Variants in MTARC1 observed in about 807,000 individuals in gnomAD.
MTARC1 encodes mitochondrial amidoxime reducing component 1, also known as mitochondrial amidoxime-reducing component 1.
In MTARC1, 24 loss-of-function variants were observed where a neutral mutation model predicts 33.6. The observed-to-expected ratio is 0.72, with a 90% confidence interval of 0.52 to 1.01. The LOEUF is 1.01. Among genes scored for constraint, MTARC1 ranks in the 50% least tolerant of loss-of-function variants. MTARC1 has a pLI of 0.00. For missense variants in MTARC1, 417 were observed against 445.7 expected (o/e 0.94, Z 0.58); for synonymous variants, 187 against 189.5 (o/e 0.99, Z 0.11).
In MTARC1 at chr1:220,819,523, A is replaced by G. The variant is rs565281557; in HGVS notation, c.*6105A>G. ...AGATATAAATGTCTTGGGGATGTCA[A>G]GTAAGATTGTTCACATAGTTTCTGG... On this transcript the variant is annotated 3_prime_UTR_variant, in exon 7 of 7. Coordinates refer to ENST00000366910, the MANE Select transcript of MTARC1 (RefSeq NM_022746.4). The G allele has an allele frequency of 1.3e-5, 2 of 152,320 alleles. No individual in the cohort carries two copies. Among genetic ancestry groups the G allele is most frequent in the African/African-American group, 4.8e-5 (2 of 41,572 alleles). The allele number at this position is 152,320 out of a possible 1,614,324, so 9.4% of individuals were successfully genotyped here. A position where few individuals can be genotyped will look rare whatever the true frequency, so the allele number is the denominator to read the frequency against.
Position 220,819,342 on chromosome 1 carries a change from G to A in MTARC1, c.*5924G>A, listed in dbSNP as rs189554521. 23 of 152,278 alleles carry A rather than the reference G, an allele frequency of 1.5e-4. No individual in the cohort carries two copies. The highest frequency in any genetic ancestry group is 4.1e-4 in the South Asian group (2 of 4,824). The allele number at this position is 152,278 out of a possible 1,614,324, so 9.4% of individuals were successfully genotyped here. Reference sequence around the variant, plus strand: ...TAAATGTATTGGTCAAACAGATCTCGTTAATGTGGCCAAGATAAATGCAAG... The same window carrying A: ...TAAATGTATTGGTCAAACAGATCTCATTAATGTGGCCAAGATAAATGCAAG... On this transcript the variant is annotated 3_prime_UTR_variant, in exon 7 of 7. Transcript: ENST00000366910.
In MTARC1 at chr1:220,815,768, G is replaced by C. The variant is rs1571687271; in HGVS notation, c.*2350G>C. ...GAATGTAGGCCATCCCAGACTTTCAGATCTTACAACAGCAAATGACAGATG... is the reference window on the plus strand; with the variant it reads ...GAATGTAGGCCATCCCAGACTTTCACATCTTACAACAGCAAATGACAGATG... On this transcript the variant is annotated 3_prime_UTR_variant, in exon 7 of 7. Coordinates refer to ENST00000366910, the MANE Select transcript of MTARC1 (RefSeq NM_022746.4). 1.3e-5 allele frequency: 2 copies of C among 152,156 alleles called. No individual in the cohort carries two copies. Among genetic ancestry groups the C allele is most frequent in the South Asian group, 4.1e-4 (2 of 4,832 alleles). 9.4% of individuals were successfully genotyped at this position (152,156 alleles called of 1,614,324 possible).
intron 4 of MTARC1, among the ~76,000 whole-genome samples, chr1:220,802,897 A>G (rs546316983): frequency 6.6e-6 from 1 of 152,320 alleles, no homozygotes; most frequent in East Asian, 1.9e-4. Context: ...CTCCCGCTCT[A>G]AAAGTTTGTA....
Position 220,814,586 on chromosome 1 carries a change from C to T in MTARC1, c.*1168C>T, listed in dbSNP as rs938783347. ...CTACAAAATGTTTTTAAAATGCACT[C>T]GGTGTGGTGGTGTGTGCCTGCAGTC... On this transcript the variant is annotated 3_prime_UTR_variant, in exon 7 of 7. Coordinates refer to ENST00000366910, the MANE Select transcript of MTARC1 (RefSeq NM_022746.4). 2.0e-5 allele frequency: 3 copies of T among 151,972 alleles called. No homozygotes were observed. Among genetic ancestry groups the T allele is most frequent in the Middle Eastern group, 3.2e-3 (1 of 316 alleles). 9.4% of individuals were successfully genotyped at this position (151,972 alleles called of 1,614,324 possible). A position where few individuals can be genotyped will look rare whatever the true frequency, so the allele number is the denominator to read the frequency against.
chr1:220,793,398 A>G (rs1672493977), intron 2 of MTARC1: 2 of 152,242 alleles, frequency 1.3e-5, no homozygotes, highest in Admixed American at 6.5e-5. Context: ...CATGCCCAAA[A>G]GACTAAACAA....
In MTARC1 at chr1:220,815,483, C is replaced by T. The variant is rs1673262904; in HGVS notation, c.*2065C>T. The T allele has an allele frequency of 6.6e-6, 1 of 152,344 alleles. No homozygotes were observed. The highest frequency in any genetic ancestry group is 1.9e-4 in the East Asian group (1 of 5,176). The allele number at this position is 152,344 out of a possible 1,614,324, so 9.4% of individuals were successfully genotyped here. On this transcript the variant is annotated 3_prime_UTR_variant, in exon 7 of 7. Transcript: ENST00000366910. Reference sequence around the variant, plus strand: ...GGCAGCACCCACGTGGAAGGGAGCACCCAGAAACCCTCCTCACTGGGCAGA... The same window carrying T: ...GGCAGCACCCACGTGGAAGGGAGCATCCAGAAACCCTCCTCACTGGGCAGA...
In MTARC1 at chr1:220,798,001, A is replaced by G. The variant is rs1672676693; in HGVS notation, c.740A>G (p.Asp247Gly). 4.3e-6 allele frequency: 7 copies of G among 1,614,232 alleles called. No homozygotes were observed. The highest frequency in any genetic ancestry group is 5.9e-6 in the Non-Finnish European group (7 of 1,180,038). Reference protein sequence around the residue: ...FRPNIVISGCDVYAEDSWDEL... With the variant: ...FRPNIVISGCGVYAEDSWDEL... ...CCCAATATTGTAATTTCAGGATGCGATGTCTATGCAGAGGTAACACTATGC... is the reference window on the plus strand; with the variant it reads ...CCCAATATTGTAATTTCAGGATGCGGTGTCTATGCAGAGGTAACACTATGC... Residue 247 changes from aspartate (D) to glycine (G), a missense_variant, in exon 4 of 7, where the codon GAT (aspartate) becomes GGT (glycine). By Grantham distance (94) the Asp-to-Gly change is moderately conservative. Coordinates refer to ENST00000366910, the MANE Select transcript of MTARC1 (RefSeq NM_022746.4).
intron 4 of MTARC1, among the ~76,000 whole-genome samples, chr1:220,800,371 G>T (rs996914878): frequency 3.3e-5 from 5 of 151,974 alleles, no homozygotes; most frequent in Admixed American, 2.6e-4. Context: ...AAGGGTTGAA[G>T]AAATGCACTT....
intron 1 of MTARC1, 92 bp from the exon 2 acceptor site, chr1:220,791,399 C>A: frequency 7.1e-7 from 1 of 1,410,886 alleles, no homozygotes; most frequent in African/African-American, 1.4e-5. Flanking sequence ...GGGAAGAAAT[C>A]AAAGATGACA....
intron 6 of MTARC1, among the ~76,000 whole-genome samples, chr1:220,812,252 T>C (rs1356959035): frequency 6.6e-6 from 1 of 152,150 alleles, no homozygotes; most frequent in Non-Finnish European, 1.5e-5. Context: ...GCAACAGGTC[T>C]GAAAAAGCAG....
intron 4 of MTARC1, among the ~76,000 whole-genome samples, chr1:220,802,201 C>T (rs1189080852): frequency 6.6e-6 from 1 of 152,214 alleles, no homozygotes; most frequent in African/African-American, 2.4e-5. Flanking sequence ...ACATAGGTCC[C>T]TCAAATGTCC....
At chr1:220,790,084 G>A (rs1672375045) in intron 1 of MTARC1, among the ~76,000 whole-genome samples, 1 of 152,162 alleles carries the variant, frequency 6.6e-6, no homozygotes, top group African/African-American at 2.4e-5. Context: ...CTCTGTTGAT[G>A]GACACTCGGG....
intron 4 of MTARC1, among the ~76,000 whole-genome samples, chr1:220,799,856 A>G (rs1672732043): frequency 6.6e-6 from 1 of 152,342 alleles, no homozygotes; most frequent in Non-Finnish European, 1.5e-5. Context: ...GCAGTTGTAA[A>G]ACACGGGCAG....
intron 3 of MTARC1, 80 bp from the exon 4 acceptor site, chr1:220,797,794 C>A: frequency 1.5e-6 from 2 of 1,337,436 alleles, no homozygotes; most frequent in Non-Finnish European, 1.0e-6. Context: ...AGCATGGAGG[C>A]TATGTCTAGG....
Position 220,797,886 on chromosome 1 carries a change from G to A in MTARC1, c.625G>A (p.Asp209Asn). The A allele has an allele frequency of 1.9e-6, 3 of 1,614,216 alleles. No homozygotes were observed. Among genetic ancestry groups the A allele is most frequent in the Non-Finnish European group, 2.5e-6 (3 of 1,180,030 alleles). Reference protein sequence around the residue: ...FRPKDQIAYSDTSPFLILSEA... With the variant: ...FRPKDQIAYSNTSPFLILSEA... The stretch of plus-strand genomic sequence containing the variant: ...ATTTCCTTATCAGATTGCTTACTCA[G>A]ACACCAGCCCATTCTTGATCCTTTC... The change falls in exon 4 of 7, where the codon GAC becomes AAC. Residue 209 changes from aspartate to asparagine, a missense_variant. Transcript: ENST00000366910.
At chr1:220,804,008 C>G (rs187760929) in intron 4 of MTARC1, among the ~76,000 whole-genome samples, 2 of 152,300 alleles carry the variant, frequency 1.3e-5, no homozygotes, top group Admixed American at 6.5e-5. Flanking sequence ...TCATGATCAT[C>G]CAAGGACAAG....
chr1:220,802,552 G>A (rs983792313), intron 4 of MTARC1, among the ~76,000 whole-genome samples: 2 of 152,130 alleles, frequency 1.3e-5, no homozygotes, highest in Admixed American at 6.5e-5. Flanking sequence ...GGCTGGTCTC[G>A]AACTCCTAAC....
At chr1:220,794,837 G>C (rs1287395777) in intron 2 of MTARC1, among the ~76,000 whole-genome samples, 4 of 152,138 alleles carry the variant, frequency 2.6e-5, no homozygotes, top group Non-Finnish European at 5.9e-5. Flanking sequence ...TGGGGTGACA[G>C]TGTGTGAAAA....
chr1:220,813,091 C>A (rs1673185732), intron 6 of MTARC1, among the ~76,000 whole-genome samples: 1 of 152,142 alleles, frequency 6.6e-6, no homozygotes, highest in Non-Finnish European at 1.5e-5. Flanking sequence ...GGGGATGTGG[C>A]CATTGCTTAT....
Sources: gnomAD v4.1 joint callset for allele counts (sites outside exome capture counted in the v4.1 genomes callset) on GRCh38, gnomAD v4.1.1 for gene constraint, MANE v1.5 for transcripts, NCBI Gene and HGNC (gene_info 2026-07-23, HGNC 2026-07-21) for gene names.